RBM19: variants seen among roughly 807,000 people sequenced by gnomAD.
RBM19 encodes RNA binding motif protein 19.
A neutral mutation model predicts 116.8 loss-of-function variants in RBM19; 94 were observed. The ratio of observed to expected loss-of-function variants is 0.80; its 90% confidence interval spans 0.68 to 0.95. The LOEUF is 0.95. RBM19 is among the 40% of genes least tolerant of loss of function. The pLI, the probability that RBM19 is intolerant of heterozygous loss-of-function variation, is 0.00. For missense variants in RBM19, 1,161 were observed against 1,220.7 expected (o/e 0.95, Z 0.73); for synonymous variants, 475 against 494.1 (o/e 0.96, Z 0.51).
intron 6 of RBM19, among the ~76,000 whole-genome samples, chr12:113,956,934 G>C (rs1336195705): frequency 1.3e-5 from 2 of 152,204 alleles, no homozygotes; most frequent in Admixed American, 6.5e-5. Context: ...ATGGTGCCTA[G>C]TGTGTAGCGC....
chr12:113,818,557 T>G (rs1330329395), downstream of RBM19, among the ~76,000 whole-genome samples: 1 of 150,260 alleles, frequency 6.7e-6, no homozygotes, highest in Admixed American at 6.6e-5. Flanking sequence ...GTTTTGAAGT[T>G]ATGTTCACAA....
At chr12:113,948,080 C>G (rs781210550) in intron 10 of RBM19, among the ~76,000 whole-genome samples, 2 of 152,210 alleles carry the variant, frequency 1.3e-5, no homozygotes, top group African/African-American at 2.4e-5. Flanking sequence ...GTCAATTTTC[C>G]TGATGGCATG....
intron 21 of RBM19, among the ~76,000 whole-genome samples, chr12:113,870,044 CATGAAG>C (rs1265465253): frequency 1.3e-5 from 2 of 152,160 alleles, no homozygotes; most frequent in African/African-American, 4.8e-5. Flanking sequence ...CTGGGGTTGC[CATGAAG>C]ATGAAGTTCC....
intron 10 of RBM19, among the ~76,000 whole-genome samples, chr12:113,948,049 G>A (rs1419407213): frequency 1.3e-5 from 2 of 152,208 alleles, no homozygotes; most frequent in African/African-American, 2.4e-5. Context: ...CACTGGGGCA[G>A]GCCCCAGGCT....
intron 23 of RBM19, among the ~76,000 whole-genome samples, chr12:113,827,750 G>GGGTGGAGGGTGCTA (rs1372534554): frequency 6.6e-6 from 1 of 152,002 alleles, no homozygotes; most frequent in East Asian, 1.9e-4. Flanking sequence ...CTGAGGTACA[G>GGGTGGAGGGTGCTA]GGTGGAGGGT....
At position 113,899,515 on chromosome 12, in the gene RBM19, G is replaced by A. The variant is rs115467674; in HGVS notation, c.2558+15454C>T. ...CAAGACAAAACAGCATGCACAATCC[G>A]GGCTTCTACCCTGAGGGTTTTAATG... is the stretch of plus-strand genomic sequence containing the variant. On this transcript the variant is annotated intron_variant, in intron 21 of 23. Transcript: ENST00000261741. 3.3e-3 allele frequency among the ~76,000 whole-genome samples: 502 copies of A among 152,188 alleles called. 5 individuals are homozygous for A. Among genetic ancestry groups the A allele is most frequent in the African/African-American group, 0.011 (477 of 41,528 alleles).
At chr12:113,922,614 CTTT>C (rs200578515) in intron 18 of RBM19, among the ~76,000 whole-genome samples, 7 of 143,362 alleles carry the variant, frequency 4.9e-5, no homozygotes, top group South Asian at 2.2e-4. Context: ...TCAGCAATAA[CTTT>C]TTTTTTTTTT....
At chr12:113,950,479 G>A (rs1159078908) in intron 8 of RBM19, among the ~76,000 whole-genome samples, 1 of 152,148 alleles carries the variant, frequency 6.6e-6, no homozygotes, top group Non-Finnish European at 1.5e-5. Flanking sequence ...CCATTCTCTG[G>A]AGAAGGGCCT....
intron 5 of RBM19, among the ~76,000 whole-genome samples, chr12:113,958,995 A>G (rs1872233926): frequency 6.6e-6 from 1 of 152,258 alleles, no homozygotes; most frequent in Non-Finnish European, 1.5e-5. Flanking sequence ...TGCCTGGCAG[A>G]TAATAGGTGC....
chr12:113,905,989 C>T (rs2125440), intron 21 of RBM19, among the ~76,000 whole-genome samples: 6 of 152,052 alleles, frequency 3.9e-5, no homozygotes, highest in African/African-American at 7.2e-5. Flanking sequence ...GAGGATGAGG[C>T]GCACCAGAAC....
chr12:113,875,096 G>A (rs1478227303), intron 21 of RBM19, among the ~76,000 whole-genome samples: 1 of 152,232 alleles, frequency 6.6e-6, no homozygotes, highest in Non-Finnish European at 1.5e-5. Context: ...GCCACGGTGC[G>A]GACCGTTCGA....
chr12:113,877,099 G>A (rs1457531483), intron 21 of RBM19, among the ~76,000 whole-genome samples: 1 of 152,222 alleles, frequency 6.6e-6, no homozygotes. Flanking sequence ...CAGCCACAAG[G>A]ATGCGTGGCT....
Position 113,958,023 on chromosome 12 carries a change from G to C in RBM19, c.599C>G (p.Ala200Gly). 6.2e-7 allele frequency: 1 copy of C among 1,613,044 alleles called. No individual in the cohort carries two copies. The highest frequency in any genetic ancestry group is 8.5e-7 in the Non-Finnish European group (1 of 1,179,524). Residue 200 changes from alanine to glycine, a missense_variant, in exon 6 of 24, where the codon GCT becomes GGT. Coordinates refer to ENST00000261741, the MANE Select transcript of RBM19 (RefSeq NM_016196.4). ...EEEASLEPKAAVQKELSDMDY... is the reference protein window; with the variant it reads ...EEEASLEPKAGVQKELSDMDY... The stretch of plus-strand genomic sequence containing the variant: ...CATGTCCGACAGCTCCTTCTGCACA[G>C]CTGCCTTTGGTTCGAGGCTTGCCTC...
Position 113,886,822 on chromosome 12 carries a change from C to T in RBM19, c.2559-27926G>A, listed in dbSNP as rs564247903. 1.5e-3 allele frequency among the ~76,000 whole-genome samples: 227 copies of T among 152,168 alleles called. 1 individual carries two copies. Among genetic ancestry groups the T allele is most frequent in the Admixed American group, 2.6e-3 (40 of 15,278 alleles). ...TTAGTTCCAACTTTAACACGAGTTT[C>T]TCAAACAGTAAACATCACACAGGCC... On this transcript the variant is annotated intron_variant, in intron 21 of 23. Transcript: ENST00000261741.
intron 21 of RBM19, among the ~76,000 whole-genome samples, chr12:113,867,694 G>T (rs1364846704): frequency 9.2e-5 from 14 of 152,206 alleles, no homozygotes; most frequent in East Asian, 3.8e-4. Context: ...CCCAAGGTGG[G>T]TGAATAACTT....
intron 23 of RBM19, among the ~76,000 whole-genome samples, chr12:113,836,255 A>G (rs1031709284): frequency 2.6e-5 from 4 of 152,136 alleles, no homozygotes; most frequent in African/African-American, 9.7e-5. Flanking sequence ...GGGCAGGAAG[A>G]GGACAGGGGA....
intron 23 of RBM19, among the ~76,000 whole-genome samples, chr12:113,832,869 GC>G (rs1230840307): frequency 6.6e-6 from 1 of 152,168 alleles, no homozygotes; most frequent in Non-Finnish European, 1.5e-5. Context: ...GATCAAGGTG[GC>G]CTATTCGCAA....
chr12:113,827,961 G>C (rs770321085), intron 23 of RBM19, among the ~76,000 whole-genome samples: 1 of 151,986 alleles, frequency 6.6e-6, no homozygotes, highest in Non-Finnish European at 1.5e-5. Flanking sequence ...TCACAATAGT[G>C]CCTAGCACAC....
intron 1 of RBM19, among the ~76,000 whole-genome samples, chr12:113,964,610 T>C (rs796655212): frequency 7.2e-5 from 11 of 152,308 alleles, no homozygotes; most frequent in African/African-American, 2.6e-4. Flanking sequence ...TTAAGTATAC[T>C]ACTCAGAGAT....
Sources: allele counts gnomAD v4.1 joint callset (sites outside exome capture counted in the v4.1 genomes callset), GRCh38; gene constraint gnomAD v4.1.1; transcripts MANE v1.5; gene names NCBI Gene and HGNC (gene_info 2026-07-23, HGNC 2026-07-21).